Variants in KIAA1549L observed in about 807,000 individuals in gnomAD.
The protein encoded by KIAA1549L is KIAA1549 like.
A neutral mutation model predicts 160.7 loss-of-function variants in KIAA1549L; 88 were observed. That is an observed-to-expected ratio of 0.55 (90% confidence interval 0.46 to 0.65). KIAA1549L has a LOEUF of 0.65. Among genes scored for constraint, KIAA1549L ranks in the 30% least tolerant of loss-of-function variants. The pLI, the probability that KIAA1549L is intolerant of heterozygous loss-of-function variation, is 0.00. For missense variants in KIAA1549L, 2,258 were observed against 2,437.5 expected (o/e 0.93, Z 1.55); for synonymous variants, 950 against 976.7 (o/e 0.97, Z 0.51).
chr11:33,486,046 C>A (rs904504031), intron 1 of KIAA1549L, among the ~76,000 whole-genome samples: 3 of 152,102 alleles, frequency 2.0e-5, no homozygotes, highest in Non-Finnish European at 4.4e-5. Flanking sequence ...AGGCTGATTG[C>A]GTATTTTGGC....
At chr11:33,388,628 G>GCT (rs1850218334) in intron 1 of KIAA1549L, among the ~76,000 whole-genome samples, 2 of 152,084 alleles carry the variant, frequency 1.3e-5, no homozygotes, top group Non-Finnish European at 2.9e-5. Flanking sequence ...ACTATATCAT[G>GCT]ACCCTCTTTC....
At chr11:33,565,806 C>A (rs1240842293) in intron 8 of KIAA1549L, among the ~76,000 whole-genome samples, 1 of 151,404 alleles carries the variant, frequency 6.6e-6, no homozygotes, top group East Asian at 2.0e-4. Flanking sequence ...TTGCTTGAGC[C>A]CGGGAGTTTG....
In KIAA1549L at chr11:33,455,291, T is replaced by A. The variant is rs569828350; in HGVS notation, c.238+78402T>A. 7.1e-4 allele frequency among the ~76,000 whole-genome samples: 108 copies of A among 152,352 alleles called. 1 individual carries two copies. The South Asian group carries it at 0.019, about 27-fold the overall frequency. ...GAATGGTAGCCACAGTCATATATTATGACTGTTTAAACTTAAATAAAGAAT... is the reference window on the plus strand; with the variant it reads ...GAATGGTAGCCACAGTCATATATTAAGACTGTTTAAACTTAAATAAAGAAT... On this transcript the variant is annotated intron_variant, in intron 1 of 20. Coordinates refer to ENST00000658780, the MANE Select transcript of KIAA1549L (RefSeq NM_012194.3).
Position 33,591,210 on chromosome 11 carries a change from G to A in KIAA1549L, c.4567-27G>A, listed in dbSNP as rs767150649. ...TAGAGTCACACTTCGCTAGAAATAC[G>A]ACTGCAAATCTGTTTCCTCTTTGCA... is the stretch of plus-strand genomic sequence containing the variant. On this transcript the variant is annotated intron_variant, in intron 11 of 20. Transcript: ENST00000658780. 1.6e-5 allele frequency: 25 copies of A among 1,574,564 alleles called. No individual in the cohort carries two copies. In the African/African-American group the frequency reaches 1.6e-4, roughly 10 times the overall value.
chr11:33,427,516 C>T (rs1344453096), intron 1 of KIAA1549L, among the ~76,000 whole-genome samples: 1 of 152,182 alleles, frequency 6.6e-6, no homozygotes, highest in East Asian at 1.9e-4. Flanking sequence ...GCTATACTCC[C>T]TCCGTCCCTA....
At chr11:33,459,959 T>C (rs1851907839) in intron 1 of KIAA1549L, among the ~76,000 whole-genome samples, 3 of 26,442 alleles carry the variant, frequency 1.1e-4, no homozygotes, top group Non-Finnish European at 2.2e-4. Flanking sequence ...AGACTCCGTC[T>C]CAAAAAAAAA....
intron 1 of KIAA1549L, among the ~76,000 whole-genome samples, chr11:33,406,682 G>A (rs953731368): frequency 6.6e-6 from 1 of 152,206 alleles, no homozygotes; most frequent in Admixed American, 6.5e-5. Flanking sequence ...AGGCCCCCTA[G>A]CCCTCCGCTG....
intron 1 of KIAA1549L, among the ~76,000 whole-genome samples, chr11:33,435,802 A>ATATATGTG: frequency 6.1e-5 from 1 of 16,478 alleles, no homozygotes; most frequent in East Asian, 1.5e-3. Flanking sequence ...ATATATATAT[A>ATATATGTG]TATATATATG....
chr11:33,435,084 A>G lies in KIAA1549L; in HGVS notation c.238+58195A>G, dbSNP rs560941496. On this transcript the variant is annotated intron_variant, in intron 1 of 20. Coordinates refer to ENST00000658780, the MANE Select transcript of KIAA1549L (RefSeq NM_012194.3). ...CCTAGAAATGATAAAAAGCTGTGCC[A>G]TTTCTGGAAATTAGAAAAATAAAAG... Among the ~76,000 whole-genome samples the G allele has an allele frequency of 2.0e-5, 3 of 152,350 alleles. No homozygotes were observed. The East Asian group carries it at 5.8e-4, about 29-fold the overall frequency.
chr11:33,554,676 G>C (rs1565183871), intron 6 of KIAA1549L, among the ~76,000 whole-genome samples: 1 of 152,096 alleles, frequency 6.6e-6, no homozygotes, highest in East Asian at 1.9e-4. Context: ...TGAACCTACT[G>C]TGCCCTTTCT....
At position 33,543,288 on chromosome 11, in the gene KIAA1549L, A is replaced by G. The variant is rs145122511; in HGVS notation, c.1725A>G (p.Ala575=). 9.9e-6 allele frequency: 16 copies of G among 1,614,054 alleles called. No individual in the cohort carries two copies. In the East Asian group the frequency reaches 3.6e-4, roughly 36 times the overall value. ...CCATTTTAGGGAAGAATGAAGAGGC[A>G]AATGTGACGATTCCTCTCCAGGCCT... is the stretch of plus-strand genomic sequence containing the variant. ...VTAILGKNEE[A]NVTIPLQAFP... is the part of the protein sequence containing the mutation. Residue 575 remains alanine (A), a synonymous_variant, in exon 2 of 21, where the codon GCA becomes GCG. Transcript: ENST00000658780.
chr11:33,649,529 A>AAGC (rs1369419674), intron 17 of KIAA1549L, among the ~76,000 whole-genome samples: 1 of 138,098 alleles, frequency 7.2e-6, no homozygotes, highest in African/African-American at 2.6e-5. Flanking sequence ...AAAAAAAAAG[A>AAGC]AGCAGCAGCA....
intron 1 of KIAA1549L, among the ~76,000 whole-genome samples, chr11:33,436,053 AC>A (rs1324935723): frequency 6.6e-6 from 1 of 151,084 alleles, no homozygotes; most frequent in African/African-American, 2.4e-5. Flanking sequence ...TGTATTAAGT[AC>A]TATAAGCGAT....
At chr11:33,628,892 A>C (rs1033439861) in intron 16 of KIAA1549L, among the ~76,000 whole-genome samples, 2 of 151,672 alleles carry the variant, frequency 1.3e-5, no homozygotes, top group Non-Finnish European at 2.9e-5. Flanking sequence ...GATGGTCCTT[A>C]CATTTTGGCA....
chr11:33,483,703 G>C (rs375352591), intron 1 of KIAA1549L, among the ~76,000 whole-genome samples: 1 of 152,132 alleles, frequency 6.6e-6, no homozygotes, highest in African/African-American at 2.4e-5. Flanking sequence ...TGTTCTCGTG[G>C]TAGTGAATAA....
chr11:33,387,022 G>C (rs944504805), intron 1 of KIAA1549L, among the ~76,000 whole-genome samples: 1 of 151,810 alleles, frequency 6.6e-6, no homozygotes, highest in Non-Finnish European at 1.5e-5. Flanking sequence ...CATGAGAATT[G>C]TTGGAACCCA....
At position 33,545,042 on chromosome 11, in the gene KIAA1549L, C is replaced by T. The variant is rs370666096; in HGVS notation, c.3049C>T (p.His1017Tyr). The change falls in exon 3 of 21, where the codon CAT becomes TAT. Residue 1017 changes from histidine to tyrosine, a missense_variant. By Grantham distance (83) the His-to-Tyr change is moderately conservative (BLOSUM62 2). Coordinates refer to ENST00000658780, the MANE Select transcript of KIAA1549L (RefSeq NM_012194.3). ...AACCTACATGTATGCAAGAACAGGA[C>T]ATACCACGAGCACACATACAGCCAT... ...TPTYMYARTGHTTSTHTAMQG... is the reference protein window; with the variant it reads ...TPTYMYARTGYTTSTHTAMQG... 6.2e-7 allele frequency: 1 copy of T among 1,613,918 alleles called. No individual in the cohort carries two copies. The highest frequency in any genetic ancestry group is 1.7e-5 in the Admixed American group (1 of 60,012).
chr11:33,574,229 C>T (rs1032109378), intron 9 of KIAA1549L, among the ~76,000 whole-genome samples: 2 of 149,258 alleles, frequency 1.3e-5, no homozygotes, highest in Non-Finnish European at 3.0e-5. Flanking sequence ...AAAGCAAAAC[C>T]GTTATTTTAG....
Position 33,660,928 on chromosome 11 carries a change from A to C in KIAA1549L, c.6073A>C (p.Ile2025Leu). ...CAGACCTGGCTTCACCGGCTACTTC[A>C]TCCCAACGCCTCCCTCATCCTATAG... The part of the protein sequence containing the change: ...ANRPGFTGYF[I>L]PTPPSSYRNQ... The change falls in exon 20 of 21, where the codon ATC (isoleucine) becomes CTC (leucine). Residue 2025 changes from isoleucine to leucine, a missense_variant. Coordinates refer to ENST00000658780, the MANE Select transcript of KIAA1549L (RefSeq NM_012194.3). 1.2e-6 allele frequency: 2 copies of C among 1,613,722 alleles called. No homozygotes were observed. Among genetic ancestry groups the C allele is most frequent in the East Asian group, 2.2e-5 (1 of 44,874 alleles).
Sources: gnomAD v4.1 joint callset for allele counts (sites outside exome capture counted in the v4.1 genomes callset) on GRCh38, gnomAD v4.1.1 for gene constraint, MANE v1.5 for transcripts, NCBI Gene and HGNC (gene_info 2026-07-23, HGNC 2026-07-21) for gene names.